ZNF385D: variants seen among roughly 807,000 people sequenced by gnomAD.
ZNF385D encodes zinc finger protein 385D.
Under a neutral mutation model 35.8 loss-of-function variants are expected in ZNF385D, and 15 were observed. The observed-to-expected ratio is 0.42, with a 90% CI of 0.28 to 0.64. The LOEUF (loss-of-function observed/expected upper bound fraction) is 0.64, where lower values mean the gene tolerates loss of function less well. Ranked by LOEUF, ZNF385D falls within the 30% of genes least tolerant of loss-of-function variation. ZNF385D has a pLI of 0.23. For synonymous variants in ZNF385D, 212 were observed against 186.8 expected, an observed-to-expected ratio of 1.13 and a Z score of -1.10; for missense variants, 474 against 494.6, an observed-to-expected ratio of 0.96 and a Z score of 0.39.
Position 21,569,508 on chromosome 3 carries a change from C to T in ZNF385D, c.166-4824G>A, listed in dbSNP as rs1041083274. Among the ~76,000 whole-genome samples, 41 of 150,902 alleles carry T rather than the reference C, an allele frequency of 2.7e-4. 2 individuals carry two copies. Among genetic ancestry groups the T allele is most frequent in the Non-Finnish European group, 3.2e-4 (22 of 67,870 alleles). On this transcript the variant is annotated intron_variant, in intron 2 of 7. Transcript: ENST00000281523. ...TACAGCACACTGATGGGTCTTGACTCTTTATCCAATTTGCCAGTCTGTGTC... is the reference window on the plus strand; with the variant it reads ...TACAGCACACTGATGGGTCTTGACTTTTTATCCAATTTGCCAGTCTGTGTC...
chr3:21,693,882 CTTT>C lies in ZNF385D; in HGVS notation c.23-28857_23-28855del, dbSNP rs555946193. 7.8e-3 allele frequency among the ~76,000 whole-genome samples: 919 copies of C among 118,358 alleles called. 5 individuals carry two copies. The highest frequency in any genetic ancestry group is 0.013 in the Non-Finnish European group (705 of 55,756). 77.6% of individuals were successfully genotyped at this position (118,358 alleles called of 152,430 possible). On this transcript the variant is annotated intron_variant, in intron 1 of 7. Coordinates refer to ENST00000281523, the MANE Select transcript of ZNF385D (RefSeq NM_024697.3). ...ATCTTTTTAGAAAATCTTTTTTTTT[CTTT>C]TTTTTTTTTTTTTGAGACGGAGTCT...
intron 2 of ZNF385D, among the ~76,000 whole-genome samples, chr3:22,264,430 A>G (rs1354711811): frequency 6.6e-6 from 1 of 152,036 alleles, no homozygotes; most frequent in African/African-American, 2.4e-5. Flanking sequence ...GTTGCATGGC[A>G]AAGACTAGGG....
intron 2 of ZNF385D, among the ~76,000 whole-genome samples, chr3:22,234,884 C>G (rs1188926165): frequency 6.6e-6 from 1 of 151,956 alleles, no homozygotes; most frequent in Non-Finnish European, 1.5e-5. Context: ...CATTATAATT[C>G]TATAAGTTCT....
At chr3:21,815,253 C>T (rs911244204) in intron 3 of ZNF385D, among the ~76,000 whole-genome samples, 18 of 152,034 alleles carry the variant, frequency 1.2e-4, no homozygotes, top group Non-Finnish European at 2.6e-4. Flanking sequence ...AAATTGACAC[C>T]CTAACATCAC....
chr3:21,760,681 T>C (rs1464433745), intron 3 of ZNF385D, among the ~76,000 whole-genome samples: 1 of 152,198 alleles, frequency 6.6e-6, no homozygotes, highest in African/African-American at 2.4e-5. Context: ...CTTAGTGCAC[T>C]ATCAAGAGCA....
intron 3 of ZNF385D, among the ~76,000 whole-genome samples, chr3:21,777,239 C>T (rs528182313): frequency 1.3e-5 from 2 of 151,920 alleles, no homozygotes; most frequent in Non-Finnish European, 2.9e-5. Flanking sequence ...CTGACTCAAA[C>T]CATTTTTTGA....
At chr3:22,273,784 G>A (rs1404901931) in intron 2 of ZNF385D, among the ~76,000 whole-genome samples, 2 of 152,024 alleles carry the variant, frequency 1.3e-5, no homozygotes, top group East Asian at 3.9e-4. Context: ...GGATGAGGAG[G>A]GAATTCAACT....
chr3:22,147,260 T>C (rs1704919719), intron 3 of ZNF385D, among the ~76,000 whole-genome samples: 2 of 152,204 alleles, frequency 1.3e-5, no homozygotes, highest in Admixed American at 1.3e-4. Flanking sequence ...TGAATTTTCC[T>C]TGAATAACCA....
chr3:21,614,027 A>G (rs2064768361), intron 2 of ZNF385D, among the ~76,000 whole-genome samples: 1 of 152,174 alleles, frequency 6.6e-6, no homozygotes, highest in Non-Finnish European at 1.5e-5. Flanking sequence ...TCCCCCAAGG[A>G]CCCTAGATGA....
chr3:22,093,181 T>C (rs911451215), intron 3 of ZNF385D, among the ~76,000 whole-genome samples: 3 of 152,100 alleles, frequency 2.0e-5, no homozygotes, highest in South Asian at 2.1e-4. Context: ...AAGTTGTTAA[T>C]TGTGTCTAAA....
chr3:21,581,929 A>T (rs2063680179), intron 2 of ZNF385D, among the ~76,000 whole-genome samples: 1 of 152,170 alleles, frequency 6.6e-6, no homozygotes, highest in Non-Finnish European at 1.5e-5. Flanking sequence ...ATTGCTCAAA[A>T]CATTAGTAAT....
At chr3:22,268,310 T>TTA (rs1700997697) in intron 2 of ZNF385D, among the ~76,000 whole-genome samples, 1 of 151,992 alleles carries the variant, frequency 6.6e-6, no homozygotes, top group Admixed American at 6.6e-5. Context: ...TATTTGAAAA[T>TTA]TATATAATTG....
chr3:21,641,677 T>C (rs2065610381), intron 2 of ZNF385D, among the ~76,000 whole-genome samples: 1 of 148,300 alleles, frequency 6.7e-6, no homozygotes, highest in Non-Finnish European at 1.5e-5. Flanking sequence ...GGTTTTGCCA[T>C]GTTGCCCAGA....
At chr3:21,988,875 G>A (rs1372210697) in intron 3 of ZNF385D, among the ~76,000 whole-genome samples, 8 of 152,208 alleles carry the variant, frequency 5.3e-5, no homozygotes, top group African/African-American at 1.4e-4. Context: ...CTCGTGGTGC[G>A]CCGTTTTTTA....
rs1696548185 is a variant in ZNF385D, at chr3:22,364,224, A to C, written c.106+8226T>G. On this transcript the variant is annotated intron_variant, in intron 2 of 5. Coordinates refer to the ZNF385D transcript ENST00000494108. Reference sequence around the variant, plus strand: ...GCAATGAGTTTTGGGATATGACATCAAAGGCACTTGCAACAATGACAAAAA... The same window carrying C: ...GCAATGAGTTTTGGGATATGACATCCAAGGCACTTGCAACAATGACAAAAA... Among the ~76,000 whole-genome samples the C allele has an allele frequency of 2.0e-5, 3 of 152,148 alleles. No individual in the cohort carries two copies. In the South Asian group the frequency reaches 6.2e-4, roughly 32 times the overall value.
At chr3:21,695,364 G>A (rs2067433611) in intron 1 of ZNF385D, among the ~76,000 whole-genome samples, 2 of 152,200 alleles carry the variant, frequency 1.3e-5, no homozygotes, top group African/African-American at 4.8e-5. Context: ...ATCCATAGTG[G>A]ATGGTAATAC....
Position 21,646,387 on chromosome 3 carries a change from G to A in ZNF385D, c.165+18499C>T, listed in dbSNP as rs1362854026. 1.3e-5 allele frequency among the ~76,000 whole-genome samples: 2 copies of A among 152,168 alleles called. No homozygotes were observed. The highest frequency in any genetic ancestry group is 6.6e-5 in the Admixed American group (1 of 15,266). ...GATTAATCTGACTTCACAGTGAGAC[G>A]CTGAGAAAGGTGAAGTAAGTGGACT... On this transcript the variant is annotated intron_variant, in intron 2 of 7. Transcript: ENST00000281523. The surrounding 1 kb of genome is among the most constrained non-coding windows in gnomAD (Gnocchi z 4.3).
intron 2 of ZNF385D, among the ~76,000 whole-genome samples, chr3:22,174,025 AAC>A (rs10569895): frequency 0.66 from 98,327 of 149,860 alleles, 32,182 homozygotes; most frequent in Non-Finnish European, 0.69. Context: ...TTTACACACA[AAC>A]ACACACACAC....
rs1308495562 is a variant in ZNF385D at position 21,892,445 on chromosome 3, A to G, written c.326-227417T>C. The stretch of plus-strand genomic sequence containing the variant: ...AAAGTGTGCTCTTACCCTTAACTCA[A>G]TTTTGCTCCTCCAAATAGACTTGTT... On this transcript the variant is annotated intron_variant, in intron 3 of 5. Coordinates refer to the ZNF385D transcript ENST00000494108. Among the ~76,000 whole-genome samples, 4 of 152,086 alleles carry G rather than the reference A, an allele frequency of 2.6e-5. No individual in the cohort carries two copies. In the East Asian group the frequency reaches 7.7e-4, roughly 29 times the overall value.
Sources: gnomAD v4.1 joint callset for allele counts (sites outside exome capture counted in the v4.1 genomes callset) on GRCh38, gnomAD v4.1.1 for gene constraint, Gnocchi (gnomAD v3.1) non-coding constraint, MANE v1.5 for transcripts, NCBI Gene and HGNC (gene_info 2026-07-23, HGNC 2026-07-21) for gene names.